ZSCAN25: variants seen among roughly 807,000 people sequenced by gnomAD.
ZSCAN25 encodes the protein zinc finger and SCAN domain-containing protein 25.
A neutral mutation model predicts 38.7 loss-of-function variants in ZSCAN25; 27 were observed. The observed-to-expected ratio is 0.70, with a 90% CI of 0.51 to 0.96. The LOEUF (loss-of-function observed/expected upper bound fraction) is 0.96. ZSCAN25 is among the 40% of genes least tolerant of loss of function. The pLI is 0.00. For synonymous variants in ZSCAN25, 273 were observed against 277.7 expected, an observed-to-expected ratio of 0.98 and a Z score of 0.17; for missense variants, 637 against 705.9, an observed-to-expected ratio of 0.90 and a Z score of 1.11.
At position 99,621,385 on chromosome 7, in the gene ZSCAN25, A is replaced by T. The variant is rs750208753; in HGVS notation, c.400A>T (p.Arg134Trp). 15 of 1,418,332 alleles carry T rather than the reference A, an allele frequency of 1.1e-5. No individual in the cohort carries two copies. Among genetic ancestry groups the T allele is most frequent in the Non-Finnish European group, 1.4e-5 (15 of 1,071,062 alleles). 87.9% of individuals were successfully genotyped at this position (1,418,332 alleles called of 1,614,324 possible). ...ALEAKAVPCH[R>W]QGEQEETALC... ...GAACTGTTCTTAGGTTCCATGCCAC[A>T]GGCAGGGAGAGCAGGAGGAAACAGC... The change falls in exon 5 of 8, where the codon AGG (arginine) becomes TGG (tryptophan). Residue 134 changes from arginine to tryptophan, a missense_variant. By Grantham distance (101) the Arg-to-Trp change is moderately radical. Coordinates refer to ENST00000394152, the MANE Select transcript of ZSCAN25 (RefSeq NM_145115.3).
the ZSCAN25 span, chr7:99,676,519 T>C: frequency 7.3e-7 from 1 of 1,374,080 alleles, no homozygotes; most frequent in Non-Finnish European, 9.7e-7. Flanking sequence ...TCCAGGACAC[T>C]TCATTTCCTT....
the ZSCAN25 span, among the ~76,000 whole-genome samples, chr7:99,645,862 T>G: frequency 6.6e-6 from 1 of 152,158 alleles, no homozygotes; most frequent in South Asian, 2.1e-4. Context: ...GGATGTATAG[T>G]TTGCATTTCT....
At chr7:99,647,517 C>T in the ZSCAN25 span, 10 of 985,232 alleles carry the variant, frequency 1.0e-5, no homozygotes, top group African/African-American at 1.7e-5. Context: ...GAATGCAAGA[C>T]GTATAAGAAA....
At chr7:99,617,427 G>C (rs895283163) in intron 1 of ZSCAN25, among the ~76,000 whole-genome samples, 20 of 152,260 alleles carry the variant, frequency 1.3e-4, no homozygotes, top group African/African-American at 4.6e-4. Context: ...TACAAAAATT[G>C]AAAAGTAGCC....
chr7:99,632,295 T>C lies in ZSCAN25; in HGVS notation c.*2275T>C. On this transcript the variant is annotated 3_prime_UTR_variant, in exon 8 of 8. Transcript: ENST00000394152. ...TCAAATGTTAAGAAATATTTTGTTT[T>C]CTGTATTTTTCTATTCTTTAGAAAT... 1 of 965,254 alleles carries C rather than the reference T, an allele frequency of 1.0e-6. No individual in the cohort carries two copies. Among genetic ancestry groups the C allele is most frequent in the Non-Finnish European group, 1.2e-6 (1 of 811,670 alleles). 59.8% of individuals were successfully genotyped at this position (965,254 alleles called of 1,614,324 possible).
At chr7:99,666,273 C>T in the ZSCAN25 span, among the ~76,000 whole-genome samples, 2 of 152,232 alleles carry the variant, frequency 1.3e-5, no homozygotes, top group African/African-American at 2.4e-5. Context: ...TGCTTACCCA[C>T]AGTTCCATAT....
Position 99,629,967 on chromosome 7 carries a change from A to G in ZSCAN25, c.1582A>G (p.Ile528Val), listed in dbSNP as rs756504842. The G allele has an allele frequency of 1.9e-6, 3 of 1,607,908 alleles. No individual in the cohort carries two copies. The highest frequency in any genetic ancestry group is 2.2e-5 in the East Asian group (1 of 44,662). Residue 528 changes from isoleucine to valine, a missense_variant, in exon 8 of 8, where the codon ATC (isoleucine) becomes GTC (valine). Coordinates refer to ENST00000394152, the MANE Select transcript of ZSCAN25 (RefSeq NM_145115.3). This position sits in a 1 kb window ranked among gnomAD's most constrained non-coding sequence, Gnocchi z 5.6. ...ACGRSFNQRSILNRHQKTQHR... is the reference protein window; with the variant it reads ...ACGRSFNQRSVLNRHQKTQHR... ...CGGGCGAAGCTTCAACCAGAGGTCCATCCTCAACCGGCACCAGAAGACCCA... is the reference window on the plus strand; with the variant it reads ...CGGGCGAAGCTTCAACCAGAGGTCCGTCCTCAACCGGCACCAGAAGACCCA...
downstream of ZSCAN25, among the ~76,000 whole-genome samples, chr7:99,636,685 C>T (rs1808298128): frequency 6.6e-6 from 1 of 152,182 alleles, no homozygotes; most frequent in African/African-American, 2.4e-5. Context: ...TTCCTTAAGG[C>T]TATATAGGAG....
the ZSCAN25 span, among the ~76,000 whole-genome samples, chr7:99,646,897 T>A: frequency 1.4e-5 from 2 of 142,520 alleles, no homozygotes; most frequent in African/African-American, 6.1e-5. Context: ...AACTATCTAT[T>A]ATCTATCTAT....
the ZSCAN25 span, among the ~76,000 whole-genome samples, chr7:99,736,471 C>G: frequency 6.6e-6 from 1 of 152,190 alleles, no homozygotes; most frequent in African/African-American, 2.4e-5. Context: ...TTGCTGCCAC[C>G]TGTGAGCCCT....
Position 99,629,540 on chromosome 7 carries a change from C to G in ZSCAN25, c.1155C>G (p.Thr385=). ...YGCVECGKGF[T]LREYLMKHQR... Reference sequence around the variant, plus strand: ...GTGTGGAGTGTGGGAAGGGCTTTACCCTGAGAGAATACCTGATGAAGCACC... The same window carrying G: ...GTGTGGAGTGTGGGAAGGGCTTTACGCTGAGAGAATACCTGATGAAGCACC... The change falls in exon 8 of 8, where the codon ACC becomes ACG. Residue 385 remains threonine, a synonymous_variant. Transcript: ENST00000394152. This position sits in a 1 kb window ranked among gnomAD's most constrained non-coding sequence, Gnocchi z 5.6. 1 of 1,614,154 alleles carries G rather than the reference C, an allele frequency of 6.2e-7. No individual in the cohort carries two copies. The highest frequency in any genetic ancestry group is 8.5e-7 in the Non-Finnish European group (1 of 1,180,022).
At chr7:99,676,361 C>T in the ZSCAN25 span, 6 of 1,534,784 alleles carry the variant, frequency 3.9e-6, no homozygotes, top group East Asian at 2.5e-5. Flanking sequence ...ATTGCATTCA[C>T]TCATCAGGTC....
chr7:99,643,247 G>A, the ZSCAN25 span, among the ~76,000 whole-genome samples: 1 of 151,998 alleles, frequency 6.6e-6, no homozygotes, highest in Non-Finnish European at 1.5e-5. Context: ...ATACCCCTAA[G>A]CAAGCAGCCT....
the ZSCAN25 span, chr7:99,679,952 C>A: frequency 1.3e-6 from 2 of 1,503,154 alleles, no homozygotes; most frequent in East Asian, 4.5e-5. Flanking sequence ...CTGAGTGCTG[C>A]TGTTTGCTGG....
the ZSCAN25 span, among the ~76,000 whole-genome samples, chr7:99,688,447 G>T: frequency 2.0e-5 from 3 of 152,106 alleles, no homozygotes; most frequent in Non-Finnish European, 4.4e-5. Context: ...AAAGGTAAAG[G>T]GATCAATTCA....
chr7:99,709,301 T>C, the ZSCAN25 span: 1 of 1,599,170 alleles, frequency 6.3e-7, no homozygotes, highest in Non-Finnish European at 8.5e-7. Context: ...TTGAGATTTT[T>C]GAATTAACTT....
chr7:99,625,669 C>A (rs1009770667), intron 7 of ZSCAN25, among the ~76,000 whole-genome samples: 1 of 152,092 alleles, frequency 6.6e-6, no homozygotes, highest in East Asian at 1.9e-4. Context: ...GTGCCAGGGT[C>A]CCCCTCAGGG....
rs547411213 is a variant in ZSCAN25, at chr7:99,619,564, C to A, written c.-43C>A. On this transcript the variant is annotated 5_prime_UTR_variant, in exon 4 of 8. Transcript: ENST00000394152. ...ATGTGTCTCTTGTTCTCAAAAGGGT[C>A]ATTGATGCAGTCATTCTCAGTCTCC... is the stretch of plus-strand genomic sequence containing the variant. 1.9e-6 allele frequency: 3 copies of A among 1,562,508 alleles called. No homozygotes were observed. The South Asian group carries it at 3.6e-5, about 19-fold the overall frequency.
At chr7:99,695,966 CAG>C in the ZSCAN25 span, 6 of 716,136 alleles carry the variant, frequency 8.4e-6, no homozygotes, top group Non-Finnish European at 1.4e-5. Context: ...TAAATGATAA[CAG>C]TAACTCTGAC....
Sources: allele counts gnomAD v4.1 joint callset (sites outside exome capture counted in the v4.1 genomes callset), GRCh38; gene constraint gnomAD v4.1.1; non-coding constraint Gnocchi (gnomAD v3.1); transcripts MANE v1.5; gene names NCBI Gene and HGNC (gene_info 2026-07-23, HGNC 2026-07-21).